Variants in RHOU observed in about 807,000 individuals in gnomAD.
The protein encoded by RHOU is rho-related GTP-binding protein RhoU.
A neutral mutation model predicts 12.6 loss-of-function variants in RHOU; 8 were observed. That is an observed-to-expected ratio of 0.64 (90% CI 0.37 to 1.15). The LOEUF (loss-of-function observed/expected upper bound fraction) is 1.15, where lower values mean the gene tolerates loss of function less well. RHOU is among the 50% of genes most tolerant of loss of function. RHOU has a pLI of 0.01. For synonymous variants in RHOU, 161 were observed against 147.4 expected, an observed-to-expected ratio of 1.09 and a Z score of -0.67; for missense variants, 258 against 347.0, an observed-to-expected ratio of 0.74 and a Z score of 2.04.
At chr1:228,735,018 G>A (rs901045087), upstream of RHOU, 3 of 152,194 alleles carry the variant, frequency 2.0e-5, no homozygotes, top group Admixed American at 2.0e-4. This position sits in a 1 kb window ranked among gnomAD's most constrained non-coding sequence, Gnocchi z 8.1. Flanking sequence ...AATCTCATTC[G>A]CAGGACAGGC....
At chr1:228,664,741 C>T in the RHOU span, among the ~76,000 whole-genome samples, 1 of 152,178 alleles carries the variant, frequency 6.6e-6, no homozygotes, top group East Asian at 1.9e-4. Context: ...TCAAGCAATT[C>T]TTCTGCTTCA....
chr1:228,674,534 C>T, the RHOU span, among the ~76,000 whole-genome samples: 1 of 151,258 alleles, frequency 6.6e-6, no homozygotes, highest in Non-Finnish European at 1.5e-5. Context: ...TTAGTAGAAA[C>T]GGAGTTTCAC....
the RHOU span, among the ~76,000 whole-genome samples, chr1:228,655,014 G>A: frequency 6.6e-6 from 1 of 151,932 alleles, no homozygotes; most frequent in South Asian, 2.1e-4. Context: ...TCCCTATAAT[G>A]ATTTGATTTA....
At chr1:228,735,073 C>G (rs1662563319), upstream of RHOU, 1 of 152,232 alleles carries the variant, frequency 6.6e-6, no homozygotes, top group African/African-American at 2.4e-5. The surrounding 1 kb of genome is among the most constrained non-coding windows in gnomAD (Gnocchi z 8.1). Flanking sequence ...CCGTGGCCAG[C>G]CGGGGGCTCC....
the RHOU span, among the ~76,000 whole-genome samples, chr1:228,712,138 A>G: frequency 2.0e-5 from 3 of 152,122 alleles, no homozygotes; most frequent in East Asian, 5.8e-4. Flanking sequence ...TAGAATGGCA[A>G]TCATTAAAAA....
the RHOU span, among the ~76,000 whole-genome samples, chr1:228,698,112 C>A: frequency 6.6e-6 from 1 of 152,110 alleles, no homozygotes; most frequent in South Asian, 2.1e-4. Context: ...ACAGATCATG[C>A]ATTTCTTTGA....
At chr1:228,661,987 AAAAC>A in the RHOU span, among the ~76,000 whole-genome samples, 8 of 152,242 alleles carry the variant, frequency 5.3e-5, no homozygotes, top group Non-Finnish European at 1.2e-4. Context: ...TTACAAGAAA[AAAAC>A]AAACAAACCC....
chr1:228,711,208 A>T, the RHOU span, among the ~76,000 whole-genome samples: 4 of 151,852 alleles, frequency 2.6e-5, no homozygotes, highest in African/African-American at 9.7e-5. Context: ...AGGAAGAATC[A>T]ATATCGTGAA....
chr1:228,715,941 G>A, the RHOU span, among the ~76,000 whole-genome samples: 59 of 147,704 alleles, frequency 4.0e-4, 1 homozygote, highest in East Asian at 0.012. Flanking sequence ...TTGAGACAAG[G>A]TCTCACTCTG....
At chr1:228,736,260 CAAAA>C (rs1204392489) in intron 1 of RHOU, among the ~76,000 whole-genome samples, 6 of 70,914 alleles carry the variant, frequency 8.5e-5, no homozygotes, top group East Asian at 5.2e-4. Flanking sequence ...AGAGCCTTGC[CAAAA>C]AAAAAAAAAA....
At chr1:228,708,530 A>C in the RHOU span, among the ~76,000 whole-genome samples, 9 of 151,742 alleles carry the variant, frequency 5.9e-5, no homozygotes, top group Non-Finnish European at 7.4e-5. Flanking sequence ...AAGAATTTTC[A>C]ACCCAGAATT....
chr1:228,690,856 T>G, the RHOU span, among the ~76,000 whole-genome samples: 1 of 152,118 alleles, frequency 6.6e-6, no homozygotes, highest in African/African-American at 2.4e-5. Flanking sequence ...GACCTCATGA[T>G]CTGACCTCCT....
the RHOU span, among the ~76,000 whole-genome samples, chr1:228,723,060 T>C: frequency 6.6e-6 from 1 of 152,086 alleles, no homozygotes; most frequent in Admixed American, 6.6e-5. Context: ...CTCTCCCCAT[T>C]CCCCTCTCCC....
At chr1:228,677,607 G>T in the RHOU span, among the ~76,000 whole-genome samples, 1 of 152,178 alleles carries the variant, frequency 6.6e-6, no homozygotes, top group African/African-American at 2.4e-5. Context: ...ACGGCTAGGA[G>T]AGAGTGAATT....
chr1:228,714,934 G>A, the RHOU span, among the ~76,000 whole-genome samples: 4 of 151,352 alleles, frequency 2.6e-5, no homozygotes, highest in African/African-American at 7.3e-5. Context: ...AGAAGAGACG[G>A]GATTTCACTA....
chr1:228,710,893 A>G, the RHOU span, among the ~76,000 whole-genome samples: 6 of 152,146 alleles, frequency 3.9e-5, no homozygotes, highest in Non-Finnish European at 7.3e-5. Context: ...AGACGACATG[A>G]TTGTATATCT....
the RHOU span, among the ~76,000 whole-genome samples, chr1:228,666,179 C>T: frequency 1.3e-5 from 2 of 152,118 alleles, no homozygotes; most frequent in Admixed American, 6.5e-5. Flanking sequence ...AGTCTGGTAT[C>T]GAACTCCTGA....
chr1:228,737,520 C>T lies in RHOU; in HGVS notation c.263-153C>T, dbSNP rs1394845969. ...GTATACAAAAATGCCTCCACAGGGC[C>T]TCCTTGTTTTTGGCTAGTCTTTAAT... On this transcript the variant is annotated intron_variant, in intron 1 of 2. Coordinates refer to ENST00000366691, the MANE Select transcript of RHOU (RefSeq NM_021205.6). This position sits in a 1 kb window ranked among gnomAD's most constrained non-coding sequence, Gnocchi z 4.1. Among the ~76,000 whole-genome samples the T allele has an allele frequency of 6.6e-6, 1 of 152,182 alleles. No homozygotes were observed. The highest frequency in any genetic ancestry group is 1.5e-5 in the Non-Finnish European group (1 of 68,032).
the RHOU span, among the ~76,000 whole-genome samples, chr1:228,663,478 AAAGTTAAGCATATTCTTACTATTG>A: frequency 6.6e-6 from 1 of 152,202 alleles, no homozygotes; most frequent in Non-Finnish European, 1.5e-5. Flanking sequence ...GAAAATCGGA[AAAGTTAAGCATATTCTTACTATTG>A]AGTTTAAGAA....
Sources: gnomAD v4.1 joint callset for allele counts (sites outside exome capture counted in the v4.1 genomes callset) on GRCh38, gnomAD v4.1.1 for gene constraint, Gnocchi (gnomAD v3.1) non-coding constraint, MANE v1.5 for transcripts, NCBI Gene and HGNC (gene_info 2026-07-23, HGNC 2026-07-21) for gene names.